The following AGTPBP1 variants were observed in gnomAD, a reference collection of about 807,000 sequenced individuals.
The protein encoded by AGTPBP1 is ATP/GTP binding carboxypeptidase 1, also known as cytosolic carboxypeptidase 1.
A neutral mutation model predicts 143.9 loss-of-function variants in AGTPBP1; 70 were observed. That is an observed-to-expected ratio of 0.49 (90% CI 0.40 to 0.59). AGTPBP1 has a LOEUF of 0.59. Ranked by LOEUF, AGTPBP1 falls within the 20% of genes least tolerant of loss-of-function variation. AGTPBP1 has a pLI of 0.00. For synonymous variants in AGTPBP1, 463 were observed against 500.2 expected (o/e 0.93, Z 0.99); for missense variants, 1,229 against 1,464.5 (o/e 0.84, Z 2.62).
chr9:85,758,915 G>A, the AGTPBP1 span, among the ~76,000 whole-genome samples: 3 of 152,096 alleles, frequency 2.0e-5, no homozygotes, highest in Non-Finnish European at 4.4e-5. Context: ...AAAATAAAGG[G>A]ATGGAGGAAG....
intron 17 of AGTPBP1, among the ~76,000 whole-genome samples, chr9:85,617,402 A>G (rs910580572): frequency 1.3e-5 from 2 of 152,138 alleles, no homozygotes; most frequent in Non-Finnish European, 2.9e-5. Context: ...CTTTTACACA[A>G]TAAGATTGCC....
chr9:85,636,761 C>T (rs62566951), intron 13 of AGTPBP1, among the ~76,000 whole-genome samples: 2,539 of 152,092 alleles, frequency 0.017, 25 homozygotes, highest in Middle Eastern at 0.054. Context: ...AAACAAAACG[C>T]AGTAACTGAA....
intron 25 of AGTPBP1, among the ~76,000 whole-genome samples, chr9:85,561,982 C>A (rs969342611): frequency 2.0e-5 from 3 of 151,926 alleles, no homozygotes; most frequent in Admixed American, 2.0e-4. Flanking sequence ...CAGGCACCTG[C>A]CACCACGCCC....
intron 6 of AGTPBP1, among the ~76,000 whole-genome samples, chr9:85,676,220 G>A (rs1490206041): frequency 6.6e-6 from 1 of 152,030 alleles, no homozygotes; most frequent in African/African-American, 2.4e-5. Flanking sequence ...AAGCTAAAAA[G>A]CTTCTGAACA....
chr9:85,558,247 T>C (rs569357930), intron 25 of AGTPBP1, among the ~76,000 whole-genome samples: 61 of 152,338 alleles, frequency 4.0e-4, no homozygotes, highest in African/African-American at 1.4e-3. Flanking sequence ...AGGTCACATA[T>C]TGTATGATTC....
At chr9:85,593,312 G>C (rs560500524) in intron 18 of AGTPBP1, among the ~76,000 whole-genome samples, 3 of 152,062 alleles carry the variant, frequency 2.0e-5, no homozygotes, top group Non-Finnish European at 4.4e-5. Flanking sequence ...ATCCAAATGT[G>C]AAAAACCCTA....
At chr9:85,591,380 G>C (rs1006019919) in intron 19 of AGTPBP1, among the ~76,000 whole-genome samples, 1 of 151,976 alleles carries the variant, frequency 6.6e-6, no homozygotes, top group Non-Finnish European at 1.5e-5. Flanking sequence ...AGAGCAAAGG[G>C]GTCAAAACTG....
the AGTPBP1 span, chr9:85,774,041 C>G: frequency 9.0e-5 from 141 of 1,571,734 alleles, no homozygotes; most frequent in Non-Finnish European, 1.0e-4. Flanking sequence ...TCAAAGGTAA[C>G]TTCCCCTTTT....
intron 6 of AGTPBP1, among the ~76,000 whole-genome samples, chr9:85,674,891 G>C (rs370427498): frequency 6.6e-6 from 1 of 152,038 alleles, no homozygotes; most frequent in East Asian, 1.9e-4. Flanking sequence ...CACAGGCAAA[G>C]GCAAAACTCT....
At chr9:85,694,380 T>C (rs373052357) in intron 2 of AGTPBP1, among the ~76,000 whole-genome samples, 1 of 152,136 alleles carries the variant, frequency 6.6e-6, no homozygotes, top group Non-Finnish European at 1.5e-5. Flanking sequence ...GTTTCTCTGA[T>C]ATTCCTCCAA....
At chr9:85,565,623 C>G (rs191478503) in intron 25 of AGTPBP1, among the ~76,000 whole-genome samples, 1 of 152,318 alleles carries the variant, frequency 6.6e-6, no homozygotes, top group East Asian at 1.9e-4. Context: ...ATCTCTAACA[C>G]TGTCATTTAC....
At chr9:85,655,586 T>TG (rs913979157) in intron 10 of AGTPBP1, among the ~76,000 whole-genome samples, 1 of 151,814 alleles carries the variant, frequency 6.6e-6, no homozygotes, top group Non-Finnish European at 1.5e-5. Context: ...TGGAGTGACT[T>TG]GGGGGGACAC....
chr9:85,697,782 A>T (rs1836362007), intron 2 of AGTPBP1, among the ~76,000 whole-genome samples: 1 of 152,204 alleles, frequency 6.6e-6, no homozygotes, highest in Admixed American at 6.5e-5. Context: ...ATATCAACAG[A>T]TAAAATAATC....
chr9:85,735,022 G>A (rs539946780), intron 1 of AGTPBP1, among the ~76,000 whole-genome samples: 6 of 152,182 alleles, frequency 3.9e-5, no homozygotes, highest in Admixed American at 2.6e-4. Context: ...GCAACACAGC[G>A]AGACTCCATC....
intron 25 of AGTPBP1, among the ~76,000 whole-genome samples, chr9:85,551,296 T>C (rs1288681479): frequency 6.6e-6 from 1 of 152,202 alleles, no homozygotes; most frequent in African/African-American, 2.4e-5. Context: ...CACATCTTTC[T>C]TCCCCTAAAT....
At chr9:85,742,031 G>T (rs1225366854), upstream of AGTPBP1, 5 of 1,195,304 alleles carry the variant, frequency 4.2e-6, no homozygotes, top group Non-Finnish European at 5.2e-6. Flanking sequence ...CACGCGCAGG[G>T]AGTGGGGGCG....
upstream of AGTPBP1, among the ~76,000 whole-genome samples, chr9:85,742,878 G>A (rs193252508): frequency 2.0e-5 from 3 of 152,244 alleles, no homozygotes; most frequent in East Asian, 5.8e-4. Context: ...ACTAGATAAG[G>A]GAATGCATTG....
At chr9:85,601,174 T>G (rs1829644619) in intron 17 of AGTPBP1, among the ~76,000 whole-genome samples, 1 of 152,182 alleles carries the variant, frequency 6.6e-6, no homozygotes, top group Non-Finnish European at 1.5e-5. Flanking sequence ...CACTGATAGC[T>G]GCATAGCAAT....
intron 25 of AGTPBP1, among the ~76,000 whole-genome samples, chr9:85,553,329 T>C (rs1826141219): frequency 6.6e-6 from 1 of 152,250 alleles, no homozygotes; most frequent in African/African-American, 2.4e-5. Flanking sequence ...GACTTTACAA[T>C]GGTGCAAAAC....
Sources: allele counts gnomAD v4.1 joint callset (sites outside exome capture counted in the v4.1 genomes callset), GRCh38; gene constraint gnomAD v4.1.1; transcripts MANE v1.5; gene names NCBI Gene and HGNC (gene_info 2026-07-23, HGNC 2026-07-21).